FAM228B: variants seen among roughly 807,000 people sequenced by gnomAD.
FAM228B encodes family with sequence similarity 228 member B, also known as protein FAM228B.
FAM228B carries 38 observed loss-of-function variants against 42.6 expected under a neutral mutation model. The observed-to-expected ratio is 0.89, with a 90% confidence interval of 0.69 to 1.17. The LOEUF (loss-of-function observed/expected upper bound fraction) is 1.17. Among genes scored for constraint, FAM228B ranks in the 50% most tolerant of loss-of-function variants. The probability of loss-of-function intolerance (pLI) is 0.00; values close to 1 mark genes in which losing one functional copy is unlikely to be tolerated. For synonymous variants in FAM228B, 109 were observed against 122.3 expected (o/e 0.89, Z 0.72); for missense variants, 344 against 367.3 (o/e 0.94, Z 0.52).
chr2:24,153,229 T>G (rs565075565), intron 7 of FAM228B, among the ~76,000 whole-genome samples: 2 of 152,134 alleles, frequency 1.3e-5, no homozygotes, highest in Non-Finnish European at 2.9e-5. Context: ...CAAAGTTCCC[T>G]TTCCTCTTTC....
At chr2:24,148,934 T>C (rs1427513479) in intron 7 of FAM228B, among the ~76,000 whole-genome samples, 1 of 152,168 alleles carries the variant, frequency 6.6e-6, no homozygotes, top group African/African-American at 2.4e-5. Context: ...ATGAGTTCGA[T>C]TGTTTTGATT....
intron 7 of FAM228B, among the ~76,000 whole-genome samples, chr2:24,155,227 A>C (rs1667107048): frequency 1.3e-5 from 2 of 152,062 alleles, no homozygotes; most frequent in Admixed American, 6.6e-5. Flanking sequence ...TAGTGAGCAA[A>C]TCACATTAAT....
rs373343986 is a variant in FAM228B, at chr2:24,080,918, A to T, written c.-247A>T. On this transcript the variant is annotated 5_prime_UTR_variant, in exon 2 of 11. Coordinates refer to the FAM228B transcript ENST00000613899. This position sits in a 1 kb window ranked among gnomAD's most constrained non-coding sequence, Gnocchi z 4.7. ...TCTGCCATTTGAAGCTTCTTCTGGG[A>T]GCCAGCTGTGACCAGAGGAATAGCT... The T allele has an allele frequency of 3.7e-6, 6 of 1,614,048 alleles. No individual in the cohort carries two copies. In the African/African-American group the frequency reaches 8.0e-5, roughly 22 times the overall value.
chr2:24,149,455 TTTC>T (rs1035065968), intron 7 of FAM228B, among the ~76,000 whole-genome samples: 10 of 152,336 alleles, frequency 6.6e-5, no homozygotes, highest in Middle Eastern at 3.4e-3. Context: ...GTAGTTTTTT[TTTC>T]TTCTTCTTTT....
At chr2:24,119,193 C>T (rs1477842585), upstream of FAM228B, among the ~76,000 whole-genome samples, 4 of 152,036 alleles carry the variant, frequency 2.6e-5, no homozygotes, top group African/African-American at 4.8e-5. Context: ...CCCTATCCTG[C>T]CCCACCTACA....
intron 2 of FAM228B, chr2:24,083,091 C>T: frequency 6.2e-7 from 1 of 1,614,130 alleles, no homozygotes; most frequent in East Asian, 2.2e-5. Flanking sequence ...TGCCACATGT[C>T]CAGATGCCTC....
chr2:24,123,993 C>T (rs1018962273), intron 1 of FAM228B, among the ~76,000 whole-genome samples: 1 of 152,146 alleles, frequency 6.6e-6, no homozygotes, highest in Admixed American at 6.5e-5. Context: ...CAGTTCTTCC[C>T]ACTCGAGGCC....
intron 3 of FAM228B, among the ~76,000 whole-genome samples, chr2:24,136,957 A>C (rs1272225548): frequency 6.6e-6 from 1 of 152,024 alleles, no homozygotes; most frequent in Non-Finnish European, 1.5e-5. Context: ...GGTAACCTCT[A>C]ATCTACCTTC....
At chr2:24,135,594 A>G (rs1326669099) in intron 3 of FAM228B, among the ~76,000 whole-genome samples, 1 of 152,212 alleles carries the variant, frequency 6.6e-6, no homozygotes. Context: ...GAAGTGTACT[A>G]AACACCAGGG....
intron 4 of FAM228B, among the ~76,000 whole-genome samples, chr2:24,138,429 C>T (rs777378050): frequency 2.0e-4 from 30 of 152,168 alleles, no homozygotes; most frequent in Non-Finnish European, 2.4e-4. Context: ...CTCCACCTCA[C>T]GGCTTCAAGC....
In FAM228B at chr2:24,104,641, G is replaced by A. The variant is rs74865502; in HGVS notation, c.-121+9412G>A. On this transcript the variant is annotated intron_variant, in intron 3 of 10. Transcript: ENST00000613899. ...CTTTCTGTTGTCCTGGGAAACACCC[G>A]AACAGCAGAGTAAGTGACTCTACCT... is the stretch of plus-strand genomic sequence containing the variant. Among the ~76,000 whole-genome samples the A allele has an allele frequency of 8.4e-3, 1,283 of 152,040 alleles. 12 individuals are homozygous for A. Among genetic ancestry groups the A allele is most frequent in the African/African-American group, 0.03 (1,242 of 41,460 alleles).
At chr2:24,156,221 C>A (rs1667140979) in intron 7 of FAM228B, among the ~76,000 whole-genome samples, 1 of 152,180 alleles carries the variant, frequency 6.6e-6, no homozygotes, top group Admixed American at 6.5e-5. Flanking sequence ...TTGCATCTAA[C>A]TTGCTTTTTT....
Position 24,077,307 on chromosome 2 carries a change from A to G in FAM228B, c.-290+338A>G, listed in dbSNP as rs1427132194. The G allele has an allele frequency of 6.3e-6, 2 of 318,834 alleles. No homozygotes were observed. Among genetic ancestry groups the G allele is most frequent in the Non-Finnish European group, 1.2e-5 (2 of 169,520 alleles). 19.8% of individuals were successfully genotyped at this position (318,834 alleles called of 1,614,324 possible). A position where few individuals can be genotyped will look rare whatever the true frequency, so the allele number is the denominator to read the frequency against. On this transcript the variant is annotated intron_variant, in intron 1 of 10. Transcript: ENST00000613899. This position sits in a 1 kb window ranked among gnomAD's most constrained non-coding sequence, Gnocchi z 5.5. ...GGCTGACGCTGTAACTATACCCAGA[A>G]TCTCCGTCCCTGGAGGGGCCCTCAG...
chr2:24,169,533 T>C lies in FAM228B; in HGVS notation c.*192T>C, dbSNP rs569938698. ...TCTGCAACGAACTTCCTTTAATTTT[T>C]GAGTTCAGTGTCTGTGATAATTAAG... is the stretch of plus-strand genomic sequence containing the variant. On this transcript the variant is annotated 3_prime_UTR_variant, in exon 11 of 11. Transcript: ENST00000615575. This position sits in a 1 kb window ranked among gnomAD's most constrained non-coding sequence, Gnocchi z 4.2. 3.4e-6 allele frequency: 1 copy of C among 292,258 alleles called. No individual in the cohort carries two copies. The highest frequency in any genetic ancestry group is 2.1e-5 in the African/African-American group (1 of 46,656). The allele number at this position is 292,258 out of a possible 1,614,324, so 18.1% of individuals were successfully genotyped here. A position where few individuals can be genotyped will look rare whatever the true frequency, so the allele number is the denominator to read the frequency against.
chr2:24,091,032 A>T (rs1665378939), intron 2 of FAM228B, among the ~76,000 whole-genome samples: 1 of 152,248 alleles, frequency 6.6e-6, no homozygotes, highest in South Asian at 2.1e-4. Flanking sequence ...ATTATTTAAC[A>T]TTAATTCGGA....
At chr2:24,081,403 T>C (rs958843282) in intron 2 of FAM228B, among the ~76,000 whole-genome samples, 1 of 151,804 alleles carries the variant, frequency 6.6e-6, no homozygotes, top group African/African-American at 2.4e-5. Context: ...ACAACTACCA[T>C]TCCCATGGTC....
intron 3 of FAM228B, among the ~76,000 whole-genome samples, chr2:24,135,666 A>G (rs1666563788): frequency 6.6e-6 from 1 of 152,192 alleles, no homozygotes; most frequent in Non-Finnish European, 1.5e-5. Flanking sequence ...TTTAAAAAGG[A>G]AAGGAACTAA....
chr2:24,090,584 T>A (rs34875277), intron 2 of FAM228B, among the ~76,000 whole-genome samples: 15,931 of 108,548 alleles, frequency 0.15, 1,058 homozygotes, highest in South Asian at 0.22. Context: ...AAAAAAAAAA[T>A]AGGAAATGGA....
At position 24,147,031 on chromosome 2, in the gene FAM228B, G is replaced by A. The variant is rs777355098; in HGVS notation, c.631G>A (p.Glu211Lys). Residue 211 changes from glutamate (E) to lysine (K), a missense_variant, in exon 7 of 11, where the codon GAG becomes AAG. By Grantham distance (56) the Glu-to-Lys change is moderately conservative (BLOSUM62 1). Coordinates refer to ENST00000615575, the MANE Select transcript of FAM228B (RefSeq NM_001145710.2). ...TTCAAGGCACTTTATAACTCCAAAC[G>A]AGTGGCTGAAACTGCCTACAAGATA... ...SNSRHFITPN[E>K]WLKLPTRYIE... The A allele has an allele frequency of 2.6e-6, 4 of 1,551,286 alleles. No individual in the cohort carries two copies. The highest frequency in any genetic ancestry group is 1.7e-4 in the Middle Eastern group (1 of 5,988).
Sources: allele counts gnomAD v4.1 joint callset (sites outside exome capture counted in the v4.1 genomes callset), GRCh38; gene constraint gnomAD v4.1.1; non-coding constraint Gnocchi (gnomAD v3.1); transcripts MANE v1.5; gene names NCBI Gene and HGNC (gene_info 2026-07-23, HGNC 2026-07-21).